ANKH: variants seen among roughly 807,000 people sequenced by gnomAD.
ANKH encodes ANKH inorganic pyrophosphate transport regulator.
ANKH carries 15 observed loss-of-function variants against 49.0 expected under a neutral mutation model. The ratio of observed to expected loss-of-function variants is 0.31; its 90% CI spans 0.20 to 0.47. The LOEUF is 0.47. ANKH is among the 20% of genes least tolerant of loss of function. The pLI is 1.00. For synonymous variants in ANKH, 273 were observed against 260.0 expected, an observed-to-expected ratio of 1.05 and a Z score of -0.48; for missense variants, 429 against 652.0, an observed-to-expected ratio of 0.66 and a Z score of 3.72.
chr5:14,797,925 GA>G, intron 1 of ANKH: 1 of 1,599,256 alleles, frequency 6.3e-7, no homozygotes, highest in Non-Finnish European at 8.6e-7. Flanking sequence ...ATCTGGTTTA[GA>G]AGGATGTTTT....
chr5:14,780,347 G>A (rs567868102), intron 1 of ANKH, among the ~76,000 whole-genome samples: 2 of 152,206 alleles, frequency 1.3e-5, no homozygotes, highest in East Asian at 3.9e-4. Flanking sequence ...GTTCAAGACC[G>A]GCCTGGCCAA....
intron 1 of ANKH, among the ~76,000 whole-genome samples, chr5:14,816,321 A>G (rs1741035127): frequency 1.3e-5 from 2 of 152,218 alleles, no homozygotes; most frequent in South Asian, 4.1e-4. Flanking sequence ...TAGAAGCTTT[A>G]AGAAAAGAGA....
chr5:14,727,112 T>C (rs1364857975), intron 8 of ANKH, among the ~76,000 whole-genome samples: 1 of 152,096 alleles, frequency 6.6e-6, no homozygotes, highest in Admixed American at 6.6e-5. Flanking sequence ...AACATAGGGG[T>C]AGCAAACAAT....
intron 1 of ANKH, among the ~76,000 whole-genome samples, chr5:14,850,822 C>T (rs924436875): frequency 2.0e-5 from 3 of 151,936 alleles, no homozygotes; most frequent in African/African-American, 4.8e-5. Context: ...GAAACTGCGA[C>T]GTCTGCCAGA....
intron 1 of ANKH, among the ~76,000 whole-genome samples, chr5:14,805,373 T>A (rs528818272): frequency 1.6e-5 from 2 of 127,742 alleles, no homozygotes. Context: ...CTCCCCTATA[T>A]ATATGTGTGT....
intron 1 of ANKH, among the ~76,000 whole-genome samples, chr5:14,864,290 A>T (rs1735581827): frequency 6.6e-6 from 1 of 152,230 alleles, no homozygotes. Flanking sequence ...TTTCTGTATG[A>T]TGGATATGCT....
chr5:14,724,529 C>CT, intron 8 of ANKH: 1 of 985,082 alleles, frequency 1.0e-6, no homozygotes, highest in East Asian at 1.1e-4. Context: ...AAATCGCCAG[C>CT]TTTACAGACA....
At chr5:14,868,192 T>C (rs1490998238) in intron 1 of ANKH, among the ~76,000 whole-genome samples, 1 of 152,176 alleles carries the variant, frequency 6.6e-6, no homozygotes, top group African/African-American at 2.4e-5. Flanking sequence ...GCAGCTTATT[T>C]AACTTTCAGT....
chr5:14,803,327 TG>T (rs1417501680), intron 1 of ANKH, among the ~76,000 whole-genome samples: 1 of 152,238 alleles, frequency 6.6e-6, no homozygotes, highest in African/African-American at 2.4e-5. Context: ...TTGCCCGGGC[TG>T]GAGTGCAGTG....
intron 1 of ANKH, among the ~76,000 whole-genome samples, chr5:14,821,666 GTAAAAACAGCCTTTGGC>G (rs1410749958): frequency 6.6e-6 from 1 of 152,200 alleles, no homozygotes; most frequent in Non-Finnish European, 1.5e-5. Context: ...GCTTGATACA[GTAAAAACAGCCTTTGGC>G]TGAAAAGTAG....
chr5:14,798,792 C>T (rs1479863542), intron 1 of ANKH, among the ~76,000 whole-genome samples: 1 of 152,172 alleles, frequency 6.6e-6, no homozygotes, highest in Non-Finnish European at 1.5e-5. Flanking sequence ...TTTCCCTTCT[C>T]CCTTGCCTCC....
chr5:14,755,011 G>C (rs948296358), intron 4 of ANKH, among the ~76,000 whole-genome samples: 7 of 151,036 alleles, frequency 4.6e-5, no homozygotes, highest in African/African-American at 1.5e-4. Context: ...GGGTAGTGGA[G>C]GTTGCAGTGA....
chr5:14,746,473 A>T (rs7734375), intron 6 of ANKH, among the ~76,000 whole-genome samples: 48,129 of 151,998 alleles, frequency 0.32, 8,739 homozygotes, highest in African/African-American at 0.5. Context: ...AGCCAGTTTA[A>T]TGATCTGCGT....
chr5:14,772,707 A>G lies in ANKH; in HGVS notation c.97-3516T>C, dbSNP rs142588052. Among the ~76,000 whole-genome samples the G allele has an allele frequency of 4.2e-3, 644 of 152,296 alleles. 5 individuals carry two copies. Among genetic ancestry groups the G allele is most frequent in the Non-Finnish European group, 6.9e-3 (470 of 68,026 alleles). ...AACTCACCACTTGACAATTTACCCA[A>G]TTAATTCCCTTTGGCCTTCTGTAGG... is the stretch of plus-strand genomic sequence containing the variant. On this transcript the variant is annotated intron_variant, in intron 1 of 11. Coordinates refer to ENST00000284268, the MANE Select transcript of ANKH (RefSeq NM_054027.6).
intron 1 of ANKH, among the ~76,000 whole-genome samples, chr5:14,801,720 A>G (rs1166427997): frequency 6.6e-6 from 1 of 152,198 alleles, no homozygotes; most frequent in Non-Finnish European, 1.5e-5. Context: ...GGTGTGGGTA[A>G]GTGGATCCAA....
At chr5:14,755,742 G>T in intron 4 of ANKH, 119 bp downstream of exon 4, 2 of 924,454 alleles carry the variant, frequency 2.2e-6, no homozygotes, top group Non-Finnish European at 3.5e-6. Flanking sequence ...TAACGGTGCT[G>T]GCAAAACCAG....
At chr5:14,712,800 G>C in intron 11 of ANKH, 74 bp downstream of exon 11, 1 of 1,408,766 alleles carries the variant, frequency 7.1e-7, no homozygotes, top group Non-Finnish European at 9.8e-7. Flanking sequence ...ATCCAACCTG[G>C]TCAGTGGCTG....
chr5:14,722,747 G>A (rs1339356570), intron 8 of ANKH, among the ~76,000 whole-genome samples: 1 of 152,162 alleles, frequency 6.6e-6, no homozygotes, highest in East Asian at 1.9e-4. Flanking sequence ...TTCATTAGCT[G>A]CTCCCCTCTA....
chr5:14,811,278 C>T (rs1438982669), intron 1 of ANKH, among the ~76,000 whole-genome samples: 1 of 152,166 alleles, frequency 6.6e-6, no homozygotes, highest in African/African-American at 2.4e-5. Flanking sequence ...TGACCAATAA[C>T]CACAGCACAG....
Sources: allele counts gnomAD v4.1 joint callset (sites outside exome capture counted in the v4.1 genomes callset), GRCh38; gene constraint gnomAD v4.1.1; transcripts MANE v1.5; gene names NCBI Gene and HGNC (gene_info 2026-07-23, HGNC 2026-07-21).